UPRT: variants seen among roughly 807,000 people sequenced by gnomAD.
The protein encoded by UPRT is RP11-311P8.3.
In UPRT, 5 loss-of-function variants were observed where a neutral mutation model predicts 22.6. That is an observed-to-expected ratio of 0.22 (90% CI 0.12 to 0.47). The LOEUF is 0.47. UPRT is among the 20% of genes least tolerant of loss of function. The pLI, the probability that UPRT is intolerant of heterozygous loss-of-function variation, is 0.99. For missense variants in UPRT, 181 were observed against 239.9 expected (o/e 0.75, Z 1.62); for synonymous variants, 77 against 87.7 (o/e 0.88, Z 0.68).
intron 4 of UPRT, among the ~76,000 whole-genome samples, chrX:75,266,672 A>G (rs911498288): frequency 1.8e-5 from 2 of 111,577 alleles, no homozygotes; most frequent in Non-Finnish European, 3.8e-5. Context: ...AATGAGAGAA[A>G]ATGTTTGCAA....
At chrX:75,251,577 G>T (rs1002720102) in intron 4 of UPRT, among the ~76,000 whole-genome samples, 2 of 111,510 alleles carry the variant, frequency 1.8e-5, no homozygotes, top group African/African-American at 6.5e-5. Context: ...ACAAACAAAT[G>T]GAAGAACATT....
chrX:75,274,203 C>T lies in UPRT; in HGVS notation c.-52C>T. On this transcript the variant is annotated 5_prime_UTR_variant, in exon 1 of 7. Coordinates refer to ENST00000373383, the MANE Select transcript of UPRT (RefSeq NM_145052.4). ...TGAGCATCTGTCCTTTCTACCCGTT[C>T]CTCTTTATCTTTAGTGTTCAGTAGC... The T allele has an allele frequency of 8.7e-7, 1 of 1,155,284 alleles. No individual in the cohort carries two copies. The highest frequency in any genetic ancestry group is 1.2e-6 in the Non-Finnish European group (1 of 866,407).
chrX:75,235,136 C>A (rs769825074), intron 4 of UPRT, among the ~76,000 whole-genome samples: 1 of 111,604 alleles, frequency 9.0e-6, no homozygotes, highest in East Asian at 2.8e-4. Flanking sequence ...TACAGACTAC[C>A]ATCAGAGAAT....
At chrX:75,291,911 A>G (rs1355766336) in intron 1 of UPRT, among the ~76,000 whole-genome samples, 1 of 111,385 alleles carries the variant, frequency 9.0e-6, no homozygotes, top group Admixed American at 9.6e-5. Context: ...TTATCAGCTG[A>G]GGCTGATTTT....
intron 4 of UPRT, among the ~76,000 whole-genome samples, chrX:75,170,091 C>A (rs1319080539): frequency 9.9e-6 from 1 of 100,613 alleles, no homozygotes; most frequent in Non-Finnish European, 2.0e-5. Flanking sequence ...GGCTGGAGCG[C>A]AGTGGTGCGA....
At chrX:75,179,890 C>T (rs889331406) in intron 4 of UPRT, among the ~76,000 whole-genome samples, 1 of 112,935 alleles carries the variant, frequency 8.9e-6, no homozygotes, top group Non-Finnish European at 1.9e-5. Context: ...GGTTCCCGCT[C>T]CCGCCTCTCC....
chrX:75,172,683 G>A lies in UPRT; in HGVS notation c.-447+4804G>A, dbSNP rs1428297166. On this transcript the variant is annotated intron_variant, in intron 4 of 13. Transcript: ENST00000652605. ...ATGTGTTCGGAGTTTCTTCTTTCTG[G>A]TGGGTTCGTGGTCTCGCTGGCTTAG... is the stretch of plus-strand genomic sequence containing the variant. Among the ~76,000 whole-genome samples the A allele has an allele frequency of 3.6e-5, 4 of 110,851 alleles. No individual in the cohort carries two copies. In the Admixed American group the frequency reaches 3.8e-4, roughly 11 times the overall value.
chrX:75,197,639 A>T (rs1476906820), intron 4 of UPRT, among the ~76,000 whole-genome samples: 1 of 112,002 alleles, frequency 8.9e-6, no homozygotes, highest in East Asian at 2.8e-4. Flanking sequence ...AAACACTTCT[A>T]AAACTAGATA....
At chrX:75,229,966 G>A (rs1007652512) in intron 4 of UPRT, among the ~76,000 whole-genome samples, 34 of 112,505 alleles carry the variant, frequency 3.0e-4, no homozygotes, top group Non-Finnish European at 5.6e-4. Flanking sequence ...GTGGTGAGGT[G>A]AAGCCTGAAA....
At chrX:75,174,687 G>A (rs2082241343) in intron 4 of UPRT, among the ~76,000 whole-genome samples, 1 of 112,014 alleles carries the variant, frequency 8.9e-6, no homozygotes, top group Non-Finnish European at 1.9e-5. Context: ...AGGCCTCAGT[G>A]GTTTTGGAGA....
intron 4 of UPRT, among the ~76,000 whole-genome samples, chrX:75,215,193 C>A (rs967518010): frequency 9.0e-6 from 1 of 110,724 alleles, no homozygotes; most frequent in Middle Eastern, 4.7e-3. Context: ...GACAGCTGAT[C>A]CAAATTTGTG....
At chrX:75,274,817 T>TGTG in intron 1 of UPRT, 177 bp downstream of exon 1, 6 of 371,449 alleles carry the variant, frequency 1.6e-5, no homozygotes, top group East Asian at 9.3e-5. Context: ...TGTGTGTGTG[T>TGTG]CGTGTAACTC....
chrX:75,233,685 A>T (rs1247659405), intron 4 of UPRT, among the ~76,000 whole-genome samples: 1 of 111,301 alleles, frequency 9.0e-6, no homozygotes, highest in African/African-American at 3.3e-5. Context: ...CCAGCCAAAC[A>T]AACTTCATAA....
intron 4 of UPRT, among the ~76,000 whole-genome samples, chrX:75,193,481 T>C (rs1244676329): frequency 2.7e-5 from 3 of 111,919 alleles, no homozygotes; most frequent in Non-Finnish European, 3.8e-5. Context: ...GCAGGGCTTC[T>C]CTGCATTTCC....
At chrX:75,283,598 T>C in intron 1 of UPRT, among the ~76,000 whole-genome samples, 1 of 111,633 alleles carries the variant, frequency 9.0e-6, no homozygotes, top group Middle Eastern at 4.6e-3. Context: ...TTTTGTTTGT[T>C]TGTTTGTTTG....
intron 4 of UPRT, among the ~76,000 whole-genome samples, chrX:75,255,926 A>C (rs973073585): frequency 1.8e-5 from 2 of 111,931 alleles, no homozygotes; most frequent in Non-Finnish European, 3.8e-5. Flanking sequence ...GGGGACTTCA[A>C]TACTCCACTG....
intron 4 of UPRT, among the ~76,000 whole-genome samples, chrX:75,172,889 A>G (rs1401756746): frequency 9.0e-6 from 1 of 111,194 alleles, no homozygotes; most frequent in African/African-American, 3.3e-5. Flanking sequence ...CAGTAGCAAG[A>G]TTTATTGTAA....
chrX:75,178,233 C>T (rs1237776350), intron 4 of UPRT, among the ~76,000 whole-genome samples: 2 of 112,169 alleles, frequency 1.8e-5, no homozygotes, highest in African/African-American at 6.5e-5. Context: ...TTTAGTCCGG[C>T]GGCTGCGCTA....
chrX:75,165,291 C>A lies in UPRT; in HGVS notation c.-521+2066C>A, dbSNP rs770051799. ...ATCCAGTTTCAAAGCTCAACAAGCC[C>A]AGTTTGTTTAACCTTTACTTATAAA... On this transcript the variant is annotated intron_variant, in intron 3 of 13. Transcript: ENST00000652605. Among the ~76,000 whole-genome samples, 6 of 111,643 alleles carry A rather than the reference C, an allele frequency of 5.4e-5. No homozygotes were observed. In the East Asian group the frequency reaches 8.4e-4, roughly 16 times the overall value.
Sources: allele counts gnomAD v4.1 joint callset (sites outside exome capture counted in the v4.1 genomes callset), GRCh38; gene constraint gnomAD v4.1.1; transcripts MANE v1.5; gene names NCBI Gene and HGNC (gene_info 2026-07-23, HGNC 2026-07-21).